The following SLC8A1 variants were observed in gnomAD, a reference collection of about 807,000 sequenced individuals.
SLC8A1 encodes the protein solute carrier family 8 member A1, also known as sodium/calcium exchanger 1.
A neutral mutation model predicts 68.3 loss-of-function variants in SLC8A1; 18 were observed. The ratio of observed to expected loss-of-function variants is 0.26; its 90% CI spans 0.18 to 0.39. The LOEUF is 0.39. Ranked by LOEUF, SLC8A1 falls within the 10% of genes least tolerant of loss-of-function variation. SLC8A1 has a pLI of 1.00. For synonymous variants in SLC8A1, 475 were observed against 415.5 expected, an observed-to-expected ratio of 1.14 and a Z score of -1.74; for missense variants, 985 against 1,156.7, an observed-to-expected ratio of 0.85 and a Z score of 2.15.
intron 2 of SLC8A1, among the ~76,000 whole-genome samples, chr2:40,301,788 T>A (rs937873297): frequency 1.3e-5 from 2 of 152,176 alleles, no homozygotes; most frequent in Non-Finnish European, 2.9e-5. Context: ...AGGTGGTACT[T>A]GGTTTCATGA....
rs552169415 is a variant in SLC8A1, at chr2:40,121,750, A to T, written c.2438-6121T>A. On this transcript the variant is annotated intron_variant, in intron 7 of 7. Transcript: ENST00000406785. ...TACAACAGAGCCAGATCCCCAGAGA[A>T]TCCATACATGGTAGGGAATTCTGAC... Among the ~76,000 whole-genome samples, 78 of 152,308 alleles carry T rather than the reference A, an allele frequency of 5.1e-4. 1 individual carries two copies. The highest frequency in any genetic ancestry group is 1.8e-3 in the African/African-American group (74 of 41,562).
At chr2:40,201,349 C>CCAAAA (rs1202823119) in intron 2 of SLC8A1, among the ~76,000 whole-genome samples, 2 of 151,878 alleles carry the variant, frequency 1.3e-5, no homozygotes, top group Admixed American at 6.6e-5. Flanking sequence ...GGCTCTAAAA[C>CCAAAA]CAAAACAAAA....
exon 8 of SLC8A1, chr2:40,107,531 GA>G (rs1329103608): frequency 1.1e-4 from 17 of 151,970 alleles, no homozygotes; most frequent in African/African-American, 3.6e-4. Context: ...AAAAAAGAAA[GA>G]AAAATAAATG....
At chr2:40,415,899 C>G (rs1434259030) in intron 2 of SLC8A1, among the ~76,000 whole-genome samples, 1 of 147,080 alleles carries the variant, frequency 6.8e-6, no homozygotes, top group Non-Finnish European at 1.5e-5. Context: ...CACACACACA[C>G]ACACACACAC....
At chr2:40,377,127 A>T (rs906953716) in intron 2 of SLC8A1, among the ~76,000 whole-genome samples, 5 of 149,384 alleles carry the variant, frequency 3.3e-5, no homozygotes, top group African/African-American at 5.2e-5. Flanking sequence ...TAAGTTACTC[A>T]AGGAAGAGTT....
At chr2:40,342,956 A>G (rs934770994) in intron 2 of SLC8A1, among the ~76,000 whole-genome samples, 3 of 152,158 alleles carry the variant, frequency 2.0e-5, no homozygotes, top group Admixed American at 1.3e-4. Flanking sequence ...AGTGTACAAT[A>G]AGAGATGGTA....
chr2:40,359,229 C>T (rs1199160080), intron 2 of SLC8A1, among the ~76,000 whole-genome samples: 1 of 152,122 alleles, frequency 6.6e-6, no homozygotes, highest in Non-Finnish European at 1.5e-5. Flanking sequence ...ATGAAACTCT[C>T]TCAATTTCAT....
chr2:40,205,790 G>GAACTT (rs1329228196), intron 2 of SLC8A1, among the ~76,000 whole-genome samples: 1 of 132,768 alleles, frequency 7.5e-6, no homozygotes, highest in Non-Finnish European at 1.6e-5. Flanking sequence ...TTGTACATCT[G>GAACTT]AACTTAGAAG....
chr2:40,232,512 G>C (rs2059786473), intron 2 of SLC8A1, among the ~76,000 whole-genome samples: 1 of 151,406 alleles, frequency 6.6e-6, no homozygotes. Flanking sequence ...GGATAGGGAA[G>C]GGAATTTAAC....
chr2:40,300,265 C>G (rs896605755), intron 2 of SLC8A1, among the ~76,000 whole-genome samples: 3 of 152,128 alleles, frequency 2.0e-5, no homozygotes, highest in Non-Finnish European at 2.9e-5. Context: ...TTATCTTGTT[C>G]CATTCTTACT....
At chr2:40,348,134 C>T (rs538629511) in intron 2 of SLC8A1, among the ~76,000 whole-genome samples, 65 of 152,134 alleles carry the variant, frequency 4.3e-4, no homozygotes, top group Admixed American at 2.0e-3. Context: ...GGCTGGAAGA[C>T]GGCGTGGTGA....
intron 4 of SLC8A1, among the ~76,000 whole-genome samples, chr2:40,165,228 AAAAGT>A (rs2046346822): frequency 6.6e-6 from 1 of 152,208 alleles, no homozygotes; most frequent in African/African-American, 2.4e-5. Context: ...TCAGTTGAGG[AAAAGT>A]AATGTATGGG....
At chr2:40,165,269 C>T (rs1477855802) in intron 4 of SLC8A1, among the ~76,000 whole-genome samples, 1 of 152,178 alleles carries the variant, frequency 6.6e-6, no homozygotes, top group Non-Finnish European at 1.5e-5. Context: ...AAGACTCTGC[C>T]TGTACATTGT....
At chr2:40,110,844 T>C (rs1206741530) in exon 8 of SLC8A1, 1 of 152,206 alleles carries the variant, frequency 6.6e-6, no homozygotes, top group Non-Finnish European at 1.5e-5. Flanking sequence ...GTTCTGCCAC[T>C]ATTAGAGGAT....
chr2:40,266,908 G>A (rs763104470), intron 2 of SLC8A1, among the ~76,000 whole-genome samples: 4 of 152,148 alleles, frequency 2.6e-5, no homozygotes, highest in Non-Finnish European at 5.9e-5. Context: ...GAACTGGTAT[G>A]ACTGAGGATG....
At chr2:40,378,451 T>G (rs1015276404) in intron 2 of SLC8A1, among the ~76,000 whole-genome samples, 1 of 151,996 alleles carries the variant, frequency 6.6e-6, no homozygotes, top group African/African-American at 2.4e-5. Flanking sequence ...AAGTAGAGTA[T>G]GTGATGGGGA....
intron 1 of SLC8A1, among the ~76,000 whole-genome samples, chr2:40,436,982 C>G (rs1205157060): frequency 6.6e-6 from 1 of 152,106 alleles, no homozygotes; most frequent in Non-Finnish European, 1.5e-5. Context: ...GACTGAGCAT[C>G]TACTTGTCCC....
chr2:40,388,368 T>C (rs1459085982), intron 2 of SLC8A1, among the ~76,000 whole-genome samples: 1 of 152,162 alleles, frequency 6.6e-6, no homozygotes, highest in Non-Finnish European at 1.5e-5. Flanking sequence ...TCCTAGAAGA[T>C]GACGTTCATC....
chr2:40,216,665 T>A (rs879910165), intron 2 of SLC8A1, among the ~76,000 whole-genome samples: 4 of 152,284 alleles, frequency 2.6e-5, no homozygotes, highest in Admixed American at 2.6e-4. Flanking sequence ...CCAGTCTCTA[T>A]TGTTTCTTGA....
Sources: allele counts gnomAD v4.1 joint callset (sites outside exome capture counted in the v4.1 genomes callset), GRCh38; gene constraint gnomAD v4.1.1; transcripts MANE v1.5; gene names NCBI Gene and HGNC (gene_info 2026-07-23, HGNC 2026-07-21).